Variants in CCDC171 observed in about 807,000 individuals in gnomAD.
The protein encoded by CCDC171 is coiled-coil domain-containing protein 171.
CCDC171 carries 177 observed loss-of-function variants against 168.2 expected under a neutral mutation model. The observed-to-expected ratio is 1.05, with a 90% CI of 0.93 to 1.19. CCDC171 has a LOEUF of 1.19. Ranked by LOEUF, CCDC171 falls within the 50% of genes most tolerant of loss-of-function variation. The pLI is 0.00. For synonymous variants in CCDC171, 687 were observed against 540.8 expected, an observed-to-expected ratio of 1.27 and a Z score of -3.75; for missense variants, 1,991 against 1,539.0, an observed-to-expected ratio of 1.29 and a Z score of -4.91.
intron 6 of CCDC171, among the ~76,000 whole-genome samples, chr9:15,596,262 G>C (rs970100521): frequency 6.6e-6 from 1 of 152,050 alleles, no homozygotes; most frequent in Non-Finnish European, 1.5e-5. Flanking sequence ...TTCTTCTAGG[G>C]TTTTTATGGT....
At chr9:15,942,583 A>G (rs911894486) in intron 25 of CCDC171, among the ~76,000 whole-genome samples, 1 of 151,982 alleles carries the variant, frequency 6.6e-6, no homozygotes, top group African/African-American at 2.4e-5. Context: ...TAAATAAGTA[A>G]TAATGGTGAG....
At chr9:15,747,672 A>G (rs1223543216) in intron 18 of CCDC171, among the ~76,000 whole-genome samples, 1 of 152,228 alleles carries the variant, frequency 6.6e-6, no homozygotes, top group Non-Finnish European at 1.5e-5. Flanking sequence ...TGTTAGAAGG[A>G]AAACTAACAG....
intron 18 of CCDC171, chr9:15,776,310 A>G (rs1484421718): frequency 6.6e-6 from 1 of 152,144 alleles, no homozygotes; most frequent in South Asian, 2.1e-4. Context: ...TATTTAAGGA[A>G]TATGATTGTT....
chr9:16,006,936 G>A (rs1410362342), intron 3 of CCDC171, among the ~76,000 whole-genome samples: 1 of 152,028 alleles, frequency 6.6e-6, no homozygotes, highest in East Asian at 1.9e-4. Context: ...TAGTCCTTTG[G>A]GTATATACCC....
chr9:15,733,820 G>A (rs981099192), intron 16 of CCDC171, among the ~76,000 whole-genome samples: 41 of 152,266 alleles, frequency 2.7e-4, no homozygotes, highest in Admixed American at 1.6e-3. Context: ...CCTGGCTTGA[G>A]TATGGTGGCA....
intron 6 of CCDC171, among the ~76,000 whole-genome samples, chr9:16,026,604 C>T (rs986941896): frequency 3.9e-5 from 6 of 152,130 alleles, no homozygotes; most frequent in African/African-American, 2.4e-5. Context: ...GAGAAATATT[C>T]GCTTCTGTCC....
intron 21 of CCDC171, among the ~76,000 whole-genome samples, chr9:15,833,404 T>G (rs185813657): frequency 6.6e-6 from 1 of 152,320 alleles, no homozygotes; most frequent in East Asian, 1.9e-4. Flanking sequence ...TTCAAATATA[T>G]GTAAACTATT....
intron 24 of CCDC171, among the ~76,000 whole-genome samples, chr9:15,904,453 T>C (rs1822206705): frequency 6.6e-6 from 1 of 151,762 alleles, no homozygotes; most frequent in South Asian, 2.1e-4. Flanking sequence ...AATAAAATCC[T>C]TTACACACAA....
Position 15,898,605 on chromosome 9 carries a change from GTTTA to G in CCDC171, c.3601-21661_3601-21658del, listed in dbSNP as rs1045774776. Reference sequence around the variant, plus strand: ...AATTTTAATGTTTTATTCTCTTCTTGTTTATTTGTTTCTAAAATAAATATAGACA... The same window carrying G: ...AATTTTAATGTTTTATTCTCTTCTTGTTTGTTTCTAAAATAAATATAGACA... On this transcript the variant is annotated intron_variant, in intron 24 of 25. Coordinates refer to ENST00000380701, the MANE Select transcript of CCDC171 (RefSeq NM_173550.4). Among the ~76,000 whole-genome samples the G allele has an allele frequency of 8.2e-4, 125 of 151,906 alleles. 1 individual carries two copies. Among genetic ancestry groups the G allele is most frequent in the African/African-American group, 2.8e-3 (114 of 41,448 alleles).
chr9:15,637,872 T>A (rs561109582), intron 7 of CCDC171, among the ~76,000 whole-genome samples: 28 of 152,230 alleles, frequency 1.8e-4, no homozygotes, highest in African/African-American at 6.3e-4. Context: ...TCTATCCTTG[T>A]TGGACATTTG....
chr9:15,966,641 T>C (rs1830814282), intron 25 of CCDC171, among the ~76,000 whole-genome samples: 1 of 152,152 alleles, frequency 6.6e-6, no homozygotes, highest in Non-Finnish European at 1.5e-5. Context: ...CCTTTTTAGA[T>C]CTCTAGGCAC....
intron 10 of CCDC171, among the ~76,000 whole-genome samples, chr9:15,693,086 G>C (rs919623341): frequency 6.6e-6 from 1 of 151,966 alleles, no homozygotes; most frequent in African/African-American, 2.4e-5. Context: ...GCAATGAGCT[G>C]AGATCATGCC....
intron 1 of CCDC171, among the ~76,000 whole-genome samples, chr9:16,051,500 C>T (rs1323428419): frequency 1.3e-5 from 2 of 152,216 alleles, no homozygotes; most frequent in Non-Finnish European, 2.9e-5. Flanking sequence ...TACTTGCCAG[C>T]CCCTCCTTAA....
At chr9:15,664,588 A>ACACACACACACACT (rs1368494841) in intron 8 of CCDC171, among the ~76,000 whole-genome samples, 3 of 150,096 alleles carry the variant, frequency 2.0e-5, no homozygotes, top group South Asian at 2.1e-4. Context: ...ACACACACAC[A>ACACACACACACACT]CTCACACGAG....
At chr9:15,753,436 C>A (rs537927148) in intron 18 of CCDC171, among the ~76,000 whole-genome samples, 1 of 152,230 alleles carries the variant, frequency 6.6e-6, no homozygotes, top group East Asian at 1.9e-4. Flanking sequence ...AGGATATTTT[C>A]CATTATTCAT....
chr9:15,672,106 A>G (rs1423013903), intron 9 of CCDC171, among the ~76,000 whole-genome samples: 4 of 152,188 alleles, frequency 2.6e-5, no homozygotes, highest in African/African-American at 9.7e-5. Flanking sequence ...ACCAGTGATC[A>G]TGAGCGTTTT....
chr9:15,791,899 T>G (rs2135601769), intron 21 of CCDC171, among the ~76,000 whole-genome samples: 1 of 151,932 alleles, frequency 6.6e-6, no homozygotes, highest in East Asian at 1.9e-4. Flanking sequence ...AAGCTGAAAA[T>G]TCTAAAAATC....
At chr9:15,738,641 T>G (rs1354941944) in intron 16 of CCDC171, among the ~76,000 whole-genome samples, 1 of 152,076 alleles carries the variant, frequency 6.6e-6, no homozygotes, top group Non-Finnish European at 1.5e-5. Flanking sequence ...TAAAGCAAAT[T>G]TGCTCTATAG....
chr9:15,648,652 C>G (rs181167154), intron 7 of CCDC171, among the ~76,000 whole-genome samples: 1 of 152,094 alleles, frequency 6.6e-6, no homozygotes, highest in Non-Finnish European at 1.5e-5. Flanking sequence ...TTCACAGTTG[C>G]TACAAATAGA....
Sources: allele counts gnomAD v4.1 joint callset (sites outside exome capture counted in the v4.1 genomes callset), GRCh38; gene constraint gnomAD v4.1.1; transcripts MANE v1.5; gene names NCBI Gene and HGNC (gene_info 2026-07-23, HGNC 2026-07-21).